The following SLC41A3 variants were observed in gnomAD, a reference collection of about 807,000 sequenced individuals.
SLC41A3 encodes solute carrier family 41 member 3, also known as SLC41A1-like 2.
In SLC41A3, 44 loss-of-function variants were observed where a neutral mutation model predicts 45.4. The ratio of observed to expected loss-of-function variants is 0.97; its 90% CI spans 0.76 to 1.25. The LOEUF (loss-of-function observed/expected upper bound fraction) is 1.25. Among genes scored for constraint, SLC41A3 ranks in the 50% most tolerant of loss-of-function variants. The pLI, the probability that SLC41A3 is intolerant of heterozygous loss-of-function variation, is 0.00. For missense variants in SLC41A3, 550 were observed against 600.6 expected (o/e 0.92, Z 0.88); for synonymous variants, 256 against 252.4 (o/e 1.01, Z -0.13).
At chr3:126,051,071 A>G in intron 2 of SLC41A3, 21 bp from the exon 3 acceptor site, 1 of 1,569,884 alleles carries the variant, frequency 6.4e-7, no homozygotes, top group Non-Finnish European at 8.7e-7. Flanking sequence ...AACAGTAAGG[A>G]GATAAGCCAA....
At position 126,015,490 on chromosome 3, in the gene SLC41A3, G is replaced by A. The variant is rs370752794; in HGVS notation, c.970+4C>T. 34 of 1,613,990 alleles carry A rather than the reference G, an allele frequency of 2.1e-5. No homozygotes were observed. Among genetic ancestry groups the A allele is most frequent in the Non-Finnish European group, 2.4e-5 (28 of 1,179,960 alleles). On this transcript the variant is annotated splice_donor_region_variant and intron_variant, in intron 8 of 10. Coordinates refer to ENST00000360370, the MANE Select transcript of SLC41A3 (RefSeq NM_017836.4). ...GACCACATGGGAACCCTTCAAATACGTACCACATATGACGGGGGTAAATAT... is the reference window on the plus strand; with the variant it reads ...GACCACATGGGAACCCTTCAAATACATACCACATATGACGGGGGTAAATAT...
In SLC41A3 at chr3:126,006,448, AAGAC is replaced by A. The variant is rs748392843; in HGVS notation, c.*564_*567del. 2.5e-6 allele frequency: 4 copies of A among 1,612,856 alleles called. No homozygotes were observed. The highest frequency in any genetic ancestry group is 1.7e-5 in the Admixed American group (1 of 59,710). On this transcript the variant is annotated 3_prime_UTR_variant, in exon 11 of 11. Transcript: ENST00000360370. ...GCTAACAAACAAAAAGGAAAATAAA[AAGAC>A]AGCAAGGACACGATTAAATGTTGAG...
At chr3:126,099,203 G>A (rs1945662579) in intron 1 of SLC41A3, among the ~76,000 whole-genome samples, 1 of 152,104 alleles carries the variant, frequency 6.6e-6, no homozygotes, top group African/African-American at 2.4e-5. Context: ...TGAATCTCAG[G>A]TTCTGAGCTC....
chr3:126,069,850 A>G (rs1944533670), intron 1 of SLC41A3, among the ~76,000 whole-genome samples: 1 of 152,178 alleles, frequency 6.6e-6, no homozygotes, highest in South Asian at 2.1e-4. Flanking sequence ...AATTCCCTAG[A>G]AGAGCAAATG....
chr3:126,029,621 T>C (rs1941648527), intron 4 of SLC41A3, among the ~76,000 whole-genome samples: 1 of 152,214 alleles, frequency 6.6e-6, no homozygotes, highest in African/African-American at 2.4e-5. Context: ...AAGCTAAAAA[T>C]TGCTCCCCAA....
intron 3 of SLC41A3, among the ~76,000 whole-genome samples, chr3:126,035,410 C>G (rs1422403452): frequency 2.0e-5 from 3 of 152,172 alleles, no homozygotes; most frequent in Admixed American, 2.0e-4. Context: ...GCCAGCCAGG[C>G]CAACAGGAGC....
chr3:126,097,271 A>G (rs6780539), intron 1 of SLC41A3, among the ~76,000 whole-genome samples: 92,590 of 151,960 alleles, frequency 0.61, 28,659 homozygotes, highest in African/African-American at 0.71. Flanking sequence ...TGCCCCCGGA[A>G]GATCATACTT....
At chr3:126,060,374 A>G (rs1943994469) in intron 2 of SLC41A3, among the ~76,000 whole-genome samples, 2 of 151,956 alleles carry the variant, frequency 1.3e-5, no homozygotes, top group South Asian at 4.2e-4. Flanking sequence ...AGCTGAGATC[A>G]TGCCATTGCA....
At chr3:126,011,629 A>G (rs373098574) in intron 9 of SLC41A3, among the ~76,000 whole-genome samples, 21 of 152,236 alleles carry the variant, frequency 1.4e-4, no homozygotes, top group Non-Finnish European at 2.6e-4. Flanking sequence ...GTCCATACCA[A>G]TACATATCAT....
At position 126,036,072 on chromosome 3, in the gene SLC41A3, T is replaced by C. The variant is rs961459884; in HGVS notation, c.382-2394A>G. Among the ~76,000 whole-genome samples the C allele has an allele frequency of 5.3e-5, 8 of 152,248 alleles. No individual in the cohort carries two copies. In the East Asian group the frequency reaches 1.2e-3, roughly 22 times the overall value. On this transcript the variant is annotated intron_variant, in intron 3 of 10. Transcript: ENST00000360370. ...TCCTCGATGTGCATTTAAGATTTCA[T>C]TGAATTTTTTAAAAAACTTCTTTGA...
chr3:126,072,744 T>C (rs768947443), intron 1 of SLC41A3, among the ~76,000 whole-genome samples: 1 of 152,332 alleles, frequency 6.6e-6, no homozygotes. Flanking sequence ...AGAAGTACCA[T>C]TCAACCCAGC....
intron 5 of SLC41A3, chr3:126,023,394 T>TAGGG (rs1297900615): frequency 6.6e-6 from 1 of 151,956 alleles, no homozygotes; most frequent in Non-Finnish European, 1.4e-5. Flanking sequence ...AGAGATTGAT[T>TAGGG]AGGGACTAAG....
intron 3 of SLC41A3, among the ~76,000 whole-genome samples, chr3:126,039,892 C>T (rs1942466990): frequency 6.6e-6 from 1 of 152,332 alleles, no homozygotes; most frequent in Admixed American, 6.5e-5. Flanking sequence ...GTTCAGTGCA[C>T]TGAGAGGAAC....
chr3:126,038,809 G>T (rs1057118694), intron 3 of SLC41A3, among the ~76,000 whole-genome samples: 1 of 152,290 alleles, frequency 6.6e-6, no homozygotes, highest in Non-Finnish European at 1.5e-5. Flanking sequence ...GAATGATCTG[G>T]TTTGGATATT....
At chr3:126,056,068 C>A (rs1943637931) in intron 2 of SLC41A3, among the ~76,000 whole-genome samples, 1 of 152,216 alleles carries the variant, frequency 6.6e-6, no homozygotes, top group Non-Finnish European at 1.5e-5. Context: ...CCTGAGCCCA[C>A]ATACACTGGG....
intron 3 of SLC41A3, among the ~76,000 whole-genome samples, chr3:126,035,092 A>G (rs918138438): frequency 2.6e-5 from 4 of 152,174 alleles, no homozygotes; most frequent in African/African-American, 7.2e-5. Flanking sequence ...GAGGTGGGAG[A>G]GAGAGACATG....
rs1031310759 is a variant in SLC41A3 at position 126,026,072 on chromosome 3, A to G, written c.598+263T>C. On this transcript the variant is annotated intron_variant, in intron 5 of 10. Coordinates refer to ENST00000360370, the MANE Select transcript of SLC41A3 (RefSeq NM_017836.4). The surrounding 1 kb of genome is among the most constrained non-coding windows in gnomAD (Gnocchi z 4.2). ...TGTGACCAGCTGAAGAGACCTGCAGAGCAGGGACAGGTCTTTACACAGCAG... is the reference window on the plus strand; with the variant it reads ...TGTGACCAGCTGAAGAGACCTGCAGGGCAGGGACAGGTCTTTACACAGCAG... Among the ~76,000 whole-genome samples, 1 of 152,200 alleles carries G rather than the reference A, an allele frequency of 6.6e-6. No individual in the cohort carries two copies. The highest frequency in any genetic ancestry group is 2.4e-5 in the African/African-American group (1 of 41,446).
At chr3:126,051,110 T>G (rs769271375) in intron 2 of SLC41A3, 60 bp from the exon 3 acceptor site, 24 of 1,468,454 alleles carry the variant, frequency 1.6e-5, no homozygotes, top group Non-Finnish European at 2.2e-5. Context: ...CTCTGGAAAT[T>G]TCTTGAGAGA....
At chr3:126,021,071 T>G (rs1006266772) in intron 6 of SLC41A3, among the ~76,000 whole-genome samples, 2 of 152,130 alleles carry the variant, frequency 1.3e-5, no homozygotes, top group Admixed American at 1.3e-4. Context: ...ATTTTTTGTA[T>G]TTTTAGTAGA....
Sources: gnomAD v4.1 joint callset for allele counts (sites outside exome capture counted in the v4.1 genomes callset) on GRCh38, gnomAD v4.1.1 for gene constraint, Gnocchi (gnomAD v3.1) non-coding constraint, MANE v1.5 for transcripts, NCBI Gene and HGNC (gene_info 2026-07-23, HGNC 2026-07-21) for gene names.